Variants in FAM118B observed in about 807,000 individuals in gnomAD.
FAM118B encodes the protein protein FAM118B.
In FAM118B, 24 loss-of-function variants were observed where a neutral mutation model predicts 38.5. That is an observed-to-expected ratio of 0.62 (90% CI 0.45 to 0.88). The LOEUF (loss-of-function observed/expected upper bound fraction) is 0.88. Among genes scored for constraint, FAM118B ranks in the 40% least tolerant of loss-of-function variants. The pLI, the probability that FAM118B is intolerant of heterozygous loss-of-function variation, is 0.00. For synonymous variants in FAM118B, 138 were observed against 156.3 expected (o/e 0.88, Z 0.87); for missense variants, 334 against 420.0 (o/e 0.80, Z 1.79).
intron 4 of FAM118B, among the ~76,000 whole-genome samples, chr11:126,246,405 C>T (rs1950419892): frequency 6.6e-6 from 1 of 152,272 alleles, no homozygotes; most frequent in East Asian, 1.9e-4. Context: ...TCAGACTCTG[C>T]CACTTAAATG....
intron 1 of FAM118B, 75 bp downstream of exon 1, chr11:126,211,905 G>A (rs1205094401): frequency 8.0e-6 from 4 of 499,798 alleles, no homozygotes; most frequent in Non-Finnish European, 3.6e-6. Flanking sequence ...CTGCGTCCCC[G>A]GGATTTCCGT....
intron 2 of FAM118B, among the ~76,000 whole-genome samples, chr11:126,229,994 A>G (rs1445393865): frequency 1.3e-5 from 2 of 152,210 alleles, no homozygotes; most frequent in East Asian, 1.9e-4. Context: ...TGAGTGTGAT[A>G]CAGATCTTAT....
Position 126,262,269 on chromosome 11 carries a change from AAG to A in FAM118B, c.*139_*140del. The stretch of plus-strand genomic sequence containing the variant: ...AGCCAGAGGTTGAAGGGCGGGGTAG[AAG>A]AGGGGGGAATGTTGCAGCGTAATCC... On this transcript the variant is annotated 3_prime_UTR_variant, in exon 9 of 9. Coordinates refer to ENST00000533050, the MANE Select transcript of FAM118B (RefSeq NM_024556.4). 1.2e-6 allele frequency: 1 copy of A among 857,846 alleles called. No homozygotes were observed. Among genetic ancestry groups the A allele is most frequent in the Non-Finnish European group, 1.9e-6 (1 of 525,410 alleles). 53.1% of individuals were successfully genotyped at this position (857,846 alleles called of 1,614,324 possible).
rs1950495321 is a variant in FAM118B at position 126,250,915 on chromosome 11, AT to A, written c.567+183del. Among the ~76,000 whole-genome samples, 3 of 152,186 alleles carry A rather than the reference AT, an allele frequency of 2.0e-5. No homozygotes were observed. Among genetic ancestry groups the A allele is most frequent in the Admixed American group, 6.5e-5 (1 of 15,276 alleles). ...AAAGATCAAATCAATATACAGTAAA[AT>A]GCATAGAACTTAAAAGTGTTCAGTT... On this transcript the variant is annotated intron_variant, in intron 5 of 8. Coordinates refer to ENST00000533050, the MANE Select transcript of FAM118B (RefSeq NM_024556.4). This position sits in a 1 kb window ranked among gnomAD's most constrained non-coding sequence, Gnocchi z 5.1.
intron 2 of FAM118B, among the ~76,000 whole-genome samples, chr11:126,232,300 G>A (rs1950216300): frequency 6.6e-6 from 1 of 152,136 alleles, no homozygotes; most frequent in Non-Finnish European, 1.5e-5. Context: ...AGGCACAGTT[G>A]CCATGGTTTG....
intron 1 of FAM118B, among the ~76,000 whole-genome samples, chr11:126,229,023 G>T (rs1204368303): frequency 6.6e-6 from 1 of 152,148 alleles, no homozygotes; most frequent in African/African-American, 2.4e-5. Flanking sequence ...CACTATTTTT[G>T]TAGTAGAAAT....
At chr11:126,257,145 G>GCGAA (rs1481768418) in intron 7 of FAM118B, among the ~76,000 whole-genome samples, 2 of 152,202 alleles carry the variant, frequency 1.3e-5, no homozygotes, top group Non-Finnish European at 2.9e-5. Context: ...TTACAAAATA[G>GCGAA]CGAAGAAAGA....
intron 2 of FAM118B, among the ~76,000 whole-genome samples, chr11:126,233,227 A>C (rs1489558103): frequency 2.0e-5 from 3 of 152,142 alleles, no homozygotes; most frequent in Non-Finnish European, 4.4e-5. Flanking sequence ...TGTAATCCCA[A>C]CACTTTGGGA....
At chr11:126,224,037 G>C (rs1305134371) in intron 1 of FAM118B, among the ~76,000 whole-genome samples, 1 of 152,182 alleles carries the variant, frequency 6.6e-6, no homozygotes, top group Non-Finnish European at 1.5e-5. Context: ...TTTCGTTTGA[G>C]TTAGTTTGTG....
chr11:126,256,794 C>T lies in FAM118B; in HGVS notation c.924C>T (p.Ala308=), dbSNP rs1190781450. ...TCATCTCCTATGGAGATGACTATGC[C>T]GATCTTCCAGAATATTTCAAGCGAC... ...IKVISYGDDY[A]DLPEYFKRLT... The change falls in exon 7 of 9, where the codon GCC becomes GCT. Residue 308 remains alanine (A), a synonymous_variant. Transcript: ENST00000533050. The surrounding 1 kb of genome is among the most constrained non-coding windows in gnomAD (Gnocchi z 6.6). 6.2e-6 allele frequency: 10 copies of T among 1,612,226 alleles called. No homozygotes were observed. Among genetic ancestry groups the T allele is most frequent in the Admixed American group, 5.0e-5 (3 of 59,918 alleles).
At position 126,244,905 on chromosome 11, in the gene FAM118B, T is replaced by G. The variant is rs999313445; in HGVS notation, c.339+3861T>G. 1.3e-5 allele frequency: 2 copies of G among 152,336 alleles called. No homozygotes were observed. The highest frequency in any genetic ancestry group is 1.3e-4 in the Admixed American group (2 of 15,302). The allele number at this position is 152,336 out of a possible 1,614,324, so 9.4% of individuals were successfully genotyped here. A position where few individuals can be genotyped will look rare whatever the true frequency, so the allele number is the denominator to read the frequency against. The stretch of plus-strand genomic sequence containing the variant: ...TAAATGGAAAGACATGCCATGTTCC[T>G]GAATCAGAAGACTTAATATTATTAA... On this transcript the variant is annotated intron_variant, in intron 4 of 8. Transcript: ENST00000533050. This position sits in a 1 kb window ranked among gnomAD's most constrained non-coding sequence, Gnocchi z 4.5.
chr11:126,261,616 T>C (rs1412178295), intron 8 of FAM118B, 132 bp downstream of exon 8: 9 of 666,230 alleles, frequency 1.4e-5, no homozygotes. Flanking sequence ...AGAGAATGAT[T>C]TTCCTCTCCT....
chr11:126,261,553 A>AT, intron 8 of FAM118B, 69 bp downstream of exon 8: 1 of 1,321,320 alleles, frequency 7.6e-7, no homozygotes, highest in Non-Finnish European at 1.1e-6. Flanking sequence ...TTGGTTAAGA[A>AT]TATAGAGAAT....
Position 126,256,486 on chromosome 11 carries a change from C to T in FAM118B, c.697-81C>T, listed in dbSNP as rs1950580774. On this transcript the variant is annotated intron_variant, in intron 6 of 8. Coordinates refer to ENST00000533050, the MANE Select transcript of FAM118B (RefSeq NM_024556.4). This position sits in a 1 kb window ranked among gnomAD's most constrained non-coding sequence, Gnocchi z 6.6. ...GCTTAATTGGTCATCACAGTCTGCT[C>T]AACGTAGCATGACCTTCTTGTTTCA... 1 of 1,360,998 alleles carries T rather than the reference C, an allele frequency of 7.3e-7. No homozygotes were observed. The highest frequency in any genetic ancestry group is 1.4e-5 in the African/African-American group (1 of 69,314). The allele number at this position is 1,360,998 out of a possible 1,614,324, so 84.3% of individuals were successfully genotyped here.
chr11:126,231,321 C>T (rs1298831269), intron 2 of FAM118B, among the ~76,000 whole-genome samples: 3 of 152,018 alleles, frequency 2.0e-5, no homozygotes, highest in Admixed American at 6.6e-5. Context: ...AAAACTCAAA[C>T]GTGATCACAT....
rs1234923604 is a variant in FAM118B, at chr11:126,253,325, G to A, written c.568-980G>A. Among the ~76,000 whole-genome samples the A allele has an allele frequency of 2.6e-5, 4 of 152,012 alleles. No homozygotes were observed. Among genetic ancestry groups the A allele is most frequent in the East Asian group, 3.9e-4 (2 of 5,188 alleles). On this transcript the variant is annotated intron_variant, in intron 5 of 8. Transcript: ENST00000533050. The surrounding 1 kb of genome is among the most constrained non-coding windows in gnomAD (Gnocchi z 5.1). ...TAGTAACATTCAAATTCTAAATCTC[G>A]GTGCCTCTTGACTACTTTCCTGATT...
At chr11:126,218,192 T>C (rs1950005693) in intron 1 of FAM118B, among the ~76,000 whole-genome samples, 1 of 152,236 alleles carries the variant, frequency 6.6e-6, no homozygotes, top group Non-Finnish European at 1.5e-5. Flanking sequence ...TATGGTGGGC[T>C]CAGAGGGCCC....
intron 1 of FAM118B, among the ~76,000 whole-genome samples, chr11:126,225,144 T>G (rs1482518640): frequency 3.3e-5 from 5 of 152,290 alleles, no homozygotes; most frequent in Admixed American, 2.6e-4. Context: ...CTTGGCATCT[T>G]AAGAGAGGCA....
intron 4 of FAM118B, among the ~76,000 whole-genome samples, chr11:126,247,145 T>C (rs1396884860): frequency 6.6e-6 from 1 of 152,064 alleles, no homozygotes; most frequent in Non-Finnish European, 1.5e-5. Flanking sequence ...ATTTAAAAAG[T>C]AGTCGGCGTG....
Sources: allele counts gnomAD v4.1 joint callset (sites outside exome capture counted in the v4.1 genomes callset), GRCh38; gene constraint gnomAD v4.1.1; non-coding constraint Gnocchi (gnomAD v3.1); transcripts MANE v1.5; gene names NCBI Gene and HGNC (gene_info 2026-07-23, HGNC 2026-07-21).